The following RFC1 variants were observed in gnomAD, a reference collection of about 807,000 sequenced individuals.
The protein encoded by RFC1 is A1 140 kDa subunit.
A neutral mutation model predicts 137.4 loss-of-function variants in RFC1; 37 were observed. The ratio of observed to expected loss-of-function variants is 0.27; its 90% confidence interval spans 0.21 to 0.35. RFC1 has a LOEUF of 0.35. RFC1 is among the 10% of genes least tolerant of loss of function. The pLI, the probability that RFC1 is intolerant of heterozygous loss-of-function variation, is 1.00. For synonymous variants in RFC1, 429 were observed against 455.7 expected (o/e 0.94, Z 0.75); for missense variants, 1,205 against 1,358.5 (o/e 0.89, Z 1.78).
At chr4:39,312,354 T>C (rs1477463780) in intron 11 of RFC1, among the ~76,000 whole-genome samples, 1 of 152,202 alleles carries the variant, frequency 6.6e-6, no homozygotes, top group Admixed American at 6.5e-5. Flanking sequence ...TTCTGCTGTT[T>C]GGAGCTAAAC....
At position 39,366,301 on chromosome 4, in the gene RFC1, A is replaced by T; in HGVS notation, c.-60T>A. 1 of 1,494,176 alleles carries T rather than the reference A, an allele frequency of 6.7e-7. No homozygotes were observed. The highest frequency in any genetic ancestry group is 8.9e-7 in the Non-Finnish European group (1 of 1,119,326). 92.6% of individuals were successfully genotyped at this position (1,494,176 alleles called of 1,614,324 possible). A position where few individuals can be genotyped will look rare whatever the true frequency, so the allele number is the denominator to read the frequency against. On this transcript the variant is annotated 5_prime_UTR_variant, in exon 1 of 25. It removes the in-frame stop codon of an upstream open reading frame in the 5' UTR. Coordinates refer to ENST00000349703, the MANE Select transcript of RFC1 (RefSeq NM_002913.5). ...GGGTGGGCCGGTTGAGGAATCTGTTATCGAGGCTCAGGATCCATTCGCGCC... is the reference window on the plus strand; with the variant it reads ...GGGTGGGCCGGTTGAGGAATCTGTTTTCGAGGCTCAGGATCCATTCGCGCC...
intron 12 of RFC1, 107 bp from the exon 13 acceptor site, chr4:39,309,139 CT>C (rs1215380500): frequency 1.5e-5 from 18 of 1,200,448 alleles, no homozygotes; most frequent in Non-Finnish European, 1.9e-5. Context: ...AAGTGGGCTA[CT>C]CAACCTGGGC....
chr4:39,300,791 A>G (rs1219105968), intron 19 of RFC1, among the ~76,000 whole-genome samples: 1 of 152,214 alleles, frequency 6.6e-6, no homozygotes, highest in Non-Finnish European at 1.5e-5. Flanking sequence ...TGAGCTATCA[A>G]GCCATGAAAA....
intron 15 of RFC1, 136 bp from the exon 16 acceptor site, chr4:39,303,287 G>C: frequency 2.0e-6 from 1 of 501,862 alleles, no homozygotes; most frequent in Admixed American, 3.4e-5. Flanking sequence ...GGACTACAGA[G>C]TGTTGTTAAA....
Position 39,306,627 on chromosome 4 carries a change from C to T in RFC1, c.1960G>A (p.Val654Ile), listed in dbSNP as rs768524441. 1.7e-5 allele frequency: 27 copies of T among 1,612,732 alleles called. No individual in the cohort carries two copies. In the East Asian group the frequency reaches 4.2e-4, roughly 25 times the overall value. ...KAALLSGPPG[V>I]GKTTTASLVC... ...AGGGAAGCTGTGGTGGTTTTGCCAA[C>T]ACCAGGAGGGCCTGACAGCAACGCT... The change falls in exon 14 of 25, where the codon GTT becomes ATT. Residue 654 changes from valine to isoleucine, a missense_variant. By Grantham distance (29) the Val-to-Ile change is conservative. Coordinates refer to ENST00000349703, the MANE Select transcript of RFC1 (RefSeq NM_002913.5).
intron 4 of RFC1, among the ~76,000 whole-genome samples, chr4:39,331,416 T>C (rs554472330): frequency 5.3e-5 from 8 of 152,136 alleles, no homozygotes; most frequent in African/African-American, 1.4e-4. Flanking sequence ...GAAAACCCCA[T>C]AGCTGAGTGG....
chr4:39,351,288 T>TAA, intron 2 of RFC1, 60 bp downstream of exon 2: 3 of 605,070 alleles, frequency 5.0e-6, no homozygotes, highest in Non-Finnish European at 7.1e-6. Context: ...AAAAAAAACT[T>TAA]ATAAGAACTG....
At chr4:39,312,406 A>C (rs1038944922) in intron 11 of RFC1, among the ~76,000 whole-genome samples, 7 of 152,182 alleles carry the variant, frequency 4.6e-5, no homozygotes, top group Admixed American at 1.3e-4. Context: ...TTCTAAAAAC[A>C]CCAATTTAAA....
At chr4:39,362,794 A>G (rs1741822554) in intron 1 of RFC1, among the ~76,000 whole-genome samples, 1 of 152,274 alleles carries the variant, frequency 6.6e-6, no homozygotes, top group Admixed American at 6.5e-5. Context: ...GAAAGAAAAT[A>G]GCAACAAAAG....
chr4:39,354,650 G>C (rs1475509662), intron 1 of RFC1, among the ~76,000 whole-genome samples: 2 of 150,858 alleles, frequency 1.3e-5, no homozygotes, highest in African/African-American at 4.9e-5. Context: ...GGGCACTGTG[G>C]TGCACACCTA....
chr4:39,324,513 G>A (rs1039592758), intron 6 of RFC1, among the ~76,000 whole-genome samples: 2 of 152,170 alleles, frequency 1.3e-5, no homozygotes, highest in Non-Finnish European at 2.9e-5. Flanking sequence ...GTGGATACTC[G>A]CTTGTAGTTT....
chr4:39,333,614 A>G (rs995911229), intron 4 of RFC1, among the ~76,000 whole-genome samples: 20 of 152,116 alleles, frequency 1.3e-4, no homozygotes, highest in Non-Finnish European at 2.4e-4. Context: ...TCAAAAAAAC[A>G]AAATACATCA....
chr4:39,289,360 C>T (rs1370596478), intron 24 of RFC1, among the ~76,000 whole-genome samples: 2 of 152,224 alleles, frequency 1.3e-5, no homozygotes, highest in African/African-American at 2.4e-5. Context: ...GAAGCACCCA[C>T]ACCCAGCGAA....
intron 1 of RFC1, among the ~76,000 whole-genome samples, chr4:39,364,680 T>C (rs1741933421): frequency 6.6e-6 from 1 of 152,186 alleles, no homozygotes; most frequent in Middle Eastern, 3.2e-3. Flanking sequence ...GGTAGCTGTG[T>C]AGTTGCCTAA....
In RFC1 at chr4:39,340,792, T is replaced by C. The variant is rs924869164; in HGVS notation, c.331+1553A>G. Reference sequence around the variant, plus strand: ...TAAAACAGGCAATAATAAAGCAAGCTTCTTCCCTACATCTCAATTCTAAGA... The same window carrying C: ...TAAAACAGGCAATAATAAAGCAAGCCTCTTCCCTACATCTCAATTCTAAGA... On this transcript the variant is annotated intron_variant, in intron 4 of 24. Transcript: ENST00000349703. Among the ~76,000 whole-genome samples, 10 of 152,274 alleles carry C rather than the reference T, an allele frequency of 6.6e-5. No individual in the cohort carries two copies. The Middle Eastern group carries it at 0.01, about 155-fold the overall frequency.
intron 10 of RFC1, among the ~76,000 whole-genome samples, chr4:39,315,152 G>A (rs953886041): frequency 6.6e-6 from 1 of 152,082 alleles, no homozygotes; most frequent in Non-Finnish European, 1.5e-5. Flanking sequence ...CTTCCATCAG[G>A]CTCTGCCTCC....
intron 11 of RFC1, among the ~76,000 whole-genome samples, chr4:39,311,975 C>T (rs977795727): frequency 6.6e-6 from 1 of 152,102 alleles, no homozygotes; most frequent in African/African-American, 2.4e-5. Context: ...GATGACTGGT[C>T]CAAGGCAACC....
intron 19 of RFC1, among the ~76,000 whole-genome samples, chr4:39,300,687 T>C (rs1396095019): frequency 3.9e-5 from 6 of 152,200 alleles, no homozygotes; most frequent in African/African-American, 9.6e-5. Context: ...TTACCAAAAG[T>C]TGTAAGCAAC....
At position 39,332,434 on chromosome 4, in the gene RFC1, A is replaced by G. The variant is rs1740147425; in HGVS notation, c.332-4678T>C. Among the ~76,000 whole-genome samples, 4 of 152,232 alleles carry G rather than the reference A, an allele frequency of 2.6e-5. No homozygotes were observed. The South Asian group carries it at 8.3e-4, about 32-fold the overall frequency. On this transcript the variant is annotated intron_variant, in intron 4 of 24. Coordinates refer to ENST00000349703, the MANE Select transcript of RFC1 (RefSeq NM_002913.5). ...AAGTTTTTATTGAGCATTAAACTAC[A>G]TGCCAAGAACTTTATAATAAATTAT...
Sources: allele counts gnomAD v4.1 joint callset (sites outside exome capture counted in the v4.1 genomes callset), GRCh38; gene constraint gnomAD v4.1.1; transcripts MANE v1.5; gene names NCBI Gene and HGNC (gene_info 2026-07-23, HGNC 2026-07-21).